SYT1: variants seen among roughly 807,000 people sequenced by gnomAD.
SYT1 encodes the protein synaptotagmin 1.
SYT1 carries 8 observed loss-of-function variants against 44.8 expected under a neutral mutation model. That is an observed-to-expected ratio of 0.18 (90% CI 0.10 to 0.32). The LOEUF is 0.32. Ranked by LOEUF, SYT1 falls within the 10% of genes least tolerant of loss-of-function variation. The pLI, the probability that SYT1 is intolerant of heterozygous loss-of-function variation, is 1.00. For synonymous variants in SYT1, 154 were observed against 188.8 expected, an observed-to-expected ratio of 0.82 and a Z score of 1.51; for missense variants, 286 against 509.3, an observed-to-expected ratio of 0.56 and a Z score of 4.22.
At chr12:79,291,708 A>G (rs1330824516) in intron 5 of SYT1, 1 of 483,132 alleles carries the variant, frequency 2.1e-6, no homozygotes, top group Non-Finnish European at 4.1e-6. Context: ...GTTTTATCAG[A>G]GCCAAATACA....
rs1036760240 is a variant in SYT1, at chr12:79,451,221, C to T, written c.*2097C>T. ...GCAAACGCTTTATAATTGGCATAGA[C>T]ATAAAGGATAAAAGGAAAATAACCG... On this transcript the variant is annotated 3_prime_UTR_variant, in exon 11 of 11. Transcript: ENST00000261205. 6.6e-6 allele frequency: 1 copy of T among 152,096 alleles called. No homozygotes were observed. The highest frequency in any genetic ancestry group is 1.5e-5 in the Non-Finnish European group (1 of 68,004). 9.4% of individuals were successfully genotyped at this position (152,096 alleles called of 1,614,324 possible).
chr12:79,279,581 C>T (rs1878930259), intron 4 of SYT1, among the ~76,000 whole-genome samples: 1 of 151,936 alleles, frequency 6.6e-6, no homozygotes, highest in South Asian at 2.1e-4. Context: ...TGTGTTCCCC[C>T]TAAGAACCAG....
chr12:79,191,908 G>A (rs1015266029), intron 3 of SYT1, among the ~76,000 whole-genome samples: 3 of 151,996 alleles, frequency 2.0e-5, no homozygotes, highest in Admixed American at 2.0e-4. Flanking sequence ...TAACCGTGCA[G>A]AAGAAAAATG....
chr12:79,156,513 G>T (rs59175074), intron 3 of SYT1, among the ~76,000 whole-genome samples: 2,187 of 152,120 alleles, frequency 0.014, 56 homozygotes, highest in African/African-American at 0.05. Context: ...TGTCTCCCAG[G>T]CTGGAGTGCA....
At chr12:79,417,642 G>T (rs1345460905) in intron 9 of SYT1, among the ~76,000 whole-genome samples, 3 of 152,056 alleles carry the variant, frequency 2.0e-5, no homozygotes, top group African/African-American at 7.3e-5. Flanking sequence ...GCCCTTTCAT[G>T]ACAAGGTCCA....
chr12:78,882,970 A>C (rs901569779), intron 1 of SYT1, among the ~76,000 whole-genome samples: 2 of 151,640 alleles, frequency 1.3e-5, no homozygotes, highest in African/African-American at 2.4e-5. Context: ...CTACCTAAAA[A>C]AGTGCAGTGA....
intron 3 of SYT1, among the ~76,000 whole-genome samples, chr12:79,156,634 A>AT (rs375510519): frequency 6.6e-6 from 1 of 151,768 alleles, no homozygotes; most frequent in Non-Finnish European, 1.5e-5. Flanking sequence ...TGCCTGGCTA[A>AT]TTTTTTGTAT....
At chr12:79,249,088 CT>C (rs58983623) in intron 4 of SYT1, among the ~76,000 whole-genome samples, 457 of 71,750 alleles carry the variant, frequency 6.4e-3, no homozygotes, top group Non-Finnish European at 9.3e-3. Context: ...TTACCTCTTT[CT>C]TTTTTTTTTT....
intron 9 of SYT1, among the ~76,000 whole-genome samples, chr12:79,409,327 C>T (rs1868335857): frequency 6.6e-6 from 1 of 152,074 alleles, no homozygotes; most frequent in Admixed American, 6.6e-5. Context: ...TTTCTGGTAA[C>T]TGCCACACAC....
intron 1 of SYT1, among the ~76,000 whole-genome samples, chr12:78,890,996 T>G (rs1875023476): frequency 6.6e-6 from 1 of 151,972 alleles, no homozygotes; most frequent in Admixed American, 6.6e-5. Context: ...TAGAATTAAT[T>G]CTACTGATTC....
chr12:79,263,761 C>T (rs1813585547), intron 4 of SYT1, among the ~76,000 whole-genome samples: 2 of 152,144 alleles, frequency 1.3e-5, no homozygotes, highest in South Asian at 4.2e-4. Flanking sequence ...TTAGCTATTT[C>T]ACTATTTTAC....
intron 3 of SYT1, among the ~76,000 whole-genome samples, chr12:79,186,885 T>G (rs1872833277): frequency 6.6e-6 from 1 of 152,088 alleles, no homozygotes; most frequent in East Asian, 1.9e-4. Flanking sequence ...CAGGCACTTT[T>G]CTGTGATAAT....
intron 2 of SYT1, among the ~76,000 whole-genome samples, chr12:79,019,246 A>G (rs990639154): frequency 6.6e-5 from 10 of 152,036 alleles, no homozygotes; most frequent in Admixed American, 6.6e-4. Context: ...ATAAATATAT[A>G]CAAATAATAT....
intron 3 of SYT1, among the ~76,000 whole-genome samples, chr12:79,157,268 G>A (rs768726717): frequency 8.5e-5 from 13 of 152,128 alleles, no homozygotes; most frequent in Non-Finnish European, 1.2e-4. Flanking sequence ...ACATCCTATA[G>A]GCATGACTAT....
intron 8 of SYT1, among the ~76,000 whole-genome samples, chr12:79,337,290 A>G (rs3915235): frequency 0.056 from 8,506 of 152,190 alleles, 526 homozygotes; most frequent in African/African-American, 0.15. Flanking sequence ...CTTTTATGAC[A>G]GCTCCCTGAC....
intron 2 of SYT1, among the ~76,000 whole-genome samples, chr12:79,041,027 C>A (rs1317254342): frequency 6.6e-6 from 1 of 152,056 alleles, no homozygotes; most frequent in East Asian, 1.9e-4. Context: ...GTTACTGTAG[C>A]CTTGTAGTGT....
intron 9 of SYT1, among the ~76,000 whole-genome samples, chr12:79,376,302 G>A (rs891015873): frequency 1.3e-5 from 2 of 152,202 alleles, no homozygotes; most frequent in Non-Finnish European, 2.9e-5. Context: ...GAGGGCTGCT[G>A]GTTGCCCATT....
intron 9 of SYT1, among the ~76,000 whole-genome samples, chr12:79,435,750 C>T (rs1231364710): frequency 1.3e-5 from 2 of 152,158 alleles, no homozygotes; most frequent in African/African-American, 4.8e-5. Context: ...GCTCTATTGA[C>T]ATTTTGGGCC....
chr12:79,421,680 A>G (rs1283382199), intron 9 of SYT1, among the ~76,000 whole-genome samples: 2 of 149,394 alleles, frequency 1.3e-5, no homozygotes, highest in African/African-American at 4.9e-5. Context: ...GCTTTATCCA[A>G]TGTGACACTT....
Sources: allele counts gnomAD v4.1 joint callset (sites outside exome capture counted in the v4.1 genomes callset), GRCh38; gene constraint gnomAD v4.1.1; transcripts MANE v1.5; gene names NCBI Gene and HGNC (gene_info 2026-07-23, HGNC 2026-07-21).